Variants in ADARB2 observed in about 807,000 individuals in gnomAD.
The protein encoded by ADARB2 is adenosine deaminase RNA specific B2 (inactive), also known as inactive double-stranded RNA-specific editase B2.
In ADARB2, 25 loss-of-function variants were observed where a neutral mutation model predicts 62.2. The observed-to-expected ratio is 0.40, with a 90% CI of 0.29 to 0.56. The LOEUF (loss-of-function observed/expected upper bound fraction) is 0.56, where lower values mean the gene tolerates loss of function less well. Among genes scored for constraint, ADARB2 ranks in the 20% least tolerant of loss-of-function variants. The pLI is 0.43. For missense variants in ADARB2, 1,071 were observed against 1,077.4 expected, an observed-to-expected ratio of 0.99 and a Z score of 0.08; for synonymous variants, 572 against 500.8, an observed-to-expected ratio of 1.14 and a Z score of -1.90.
intron 3 of ADARB2, among the ~76,000 whole-genome samples, chr10:1,283,504 G>A (rs1831387404): frequency 6.6e-6 from 1 of 152,188 alleles, no homozygotes; most frequent in Non-Finnish European, 1.5e-5. Context: ...GAGAATAACT[G>A]GTGTGGACAG....
At chr10:1,601,722 C>A (rs748472695) in intron 1 of ADARB2, among the ~76,000 whole-genome samples, 7 of 152,192 alleles carry the variant, frequency 4.6e-5, no homozygotes, top group Admixed American at 3.9e-4. Context: ...CCTGCTCCCC[C>A]GAAAGCCAGC....
intron 1 of ADARB2, among the ~76,000 whole-genome samples, chr10:1,695,393 A>G (rs1470575494): frequency 6.6e-6 from 1 of 152,224 alleles, no homozygotes; most frequent in Non-Finnish European, 1.5e-5. Context: ...CAGAGCTCAC[A>G]TCAGATGCTC....
chr10:1,500,098 G>C (rs1831747578), intron 1 of ADARB2, among the ~76,000 whole-genome samples: 1 of 152,200 alleles, frequency 6.6e-6, no homozygotes, highest in African/African-American at 2.4e-5. Context: ...ACACAGAAAA[G>C]CTAGATTCAA....
chr10:1,553,234 A>C (rs548443091), intron 1 of ADARB2, among the ~76,000 whole-genome samples: 1 of 152,372 alleles, frequency 6.6e-6, no homozygotes, highest in South Asian at 2.1e-4. Flanking sequence ...GATTTCTGTC[A>C]TAAATTGACA....
At chr10:1,381,962 C>T (rs1832487467) in intron 1 of ADARB2, among the ~76,000 whole-genome samples, 6 of 152,040 alleles carry the variant, frequency 3.9e-5, no homozygotes, top group Admixed American at 3.3e-4. Context: ...ATGTATTGCC[C>T]ACTTGAAATG....
At chr10:1,672,584 C>T (rs1361814021) in intron 1 of ADARB2, among the ~76,000 whole-genome samples, 1 of 151,452 alleles carries the variant, frequency 6.6e-6, no homozygotes, top group Non-Finnish European at 1.5e-5. Context: ...CGCGCTTCGC[C>T]TTCCTCCCTC....
chr10:1,324,637 T>C (rs779289433), intron 3 of ADARB2, among the ~76,000 whole-genome samples: 1 of 152,220 alleles, frequency 6.6e-6, no homozygotes, highest in Non-Finnish European at 1.5e-5. Context: ...TGATTCCAAA[T>C]ACATACTGCA....
intron 1 of ADARB2, among the ~76,000 whole-genome samples, chr10:1,433,613 C>T (rs1830798785): frequency 1.3e-5 from 2 of 152,084 alleles, no homozygotes; most frequent in African/African-American, 4.8e-5. Flanking sequence ...AGCAGGGATT[C>T]GATCCACTTT....
In ADARB2 at chr10:1,477,004, T is replaced by C. The variant is rs1030856215; in HGVS notation, c.101-97844A>G. On this transcript the variant is annotated intron_variant, in intron 1 of 9. Transcript: ENST00000381312. This position sits in a 1 kb window ranked among gnomAD's most constrained non-coding sequence, Gnocchi z 4.5. ...TGCCCACGGGTTCCGGATGCTGACC[T>C]TGTGGCAAATCATGATGACTCTCCC... Among the ~76,000 whole-genome samples the C allele has an allele frequency of 2.0e-5, 3 of 152,016 alleles. No individual in the cohort carries two copies. The highest frequency in any genetic ancestry group is 2.0e-4 in the Admixed American group (3 of 15,274).
chr10:1,483,698 C>T (rs1447867435), intron 1 of ADARB2, among the ~76,000 whole-genome samples: 7 of 64,860 alleles, frequency 1.1e-4, no homozygotes, highest in African/African-American at 1.4e-4. Flanking sequence ...TTGAAAATGA[C>T]GAAGCAACTA....
intron 8 of ADARB2, chr10:1,186,672 G>A: frequency 2.2e-6 from 1 of 456,644 alleles, no homozygotes; most frequent in Non-Finnish European, 4.4e-6. Flanking sequence ...CATCACGTGA[G>A]ATGGCGGTGC....
chr10:1,187,553 C>T (rs1836777260), intron 8 of ADARB2, among the ~76,000 whole-genome samples: 2 of 152,246 alleles, frequency 1.3e-5, no homozygotes, highest in Non-Finnish European at 2.9e-5. Flanking sequence ...GTCAGGATGC[C>T]CTGGCTCCGG....
rs969626073 is a variant in ADARB2, at chr10:1,477,226, G to C, written c.101-98066C>G. Among the ~76,000 whole-genome samples, 1 of 152,244 alleles carries C rather than the reference G, an allele frequency of 6.6e-6. No individual in the cohort carries two copies. Among genetic ancestry groups the C allele is most frequent in the African/African-American group, 2.4e-5 (1 of 41,472 alleles). ...GGAGAAGTGACTGCACTGATCAGAA[G>C]TGTGGAGTCCTGATAAGATTAGTAA... is the stretch of plus-strand genomic sequence containing the variant. On this transcript the variant is annotated intron_variant, in intron 1 of 9. Coordinates refer to ENST00000381312, the MANE Select transcript of ADARB2 (RefSeq NM_018702.4). The surrounding 1 kb of genome is among the most constrained non-coding windows in gnomAD (Gnocchi z 4.5).
intron 1 of ADARB2, among the ~76,000 whole-genome samples, chr10:1,579,335 T>C (rs1454718087): frequency 6.6e-6 from 1 of 152,210 alleles, no homozygotes; most frequent in East Asian, 1.9e-4. Context: ...CACATGGTTA[T>C]GTGTGCCGCT....
chr10:1,563,210 C>T (rs906350013), intron 1 of ADARB2, among the ~76,000 whole-genome samples: 3 of 151,922 alleles, frequency 2.0e-5, no homozygotes, highest in Non-Finnish European at 4.4e-5. Context: ...AAGGTGCTGA[C>T]CTCTGTCCCT....
At chr10:1,207,619 G>A (rs1317295812) in intron 7 of ADARB2, among the ~76,000 whole-genome samples, 1 of 152,180 alleles carries the variant, frequency 6.6e-6, no homozygotes, top group African/African-American at 2.4e-5. Flanking sequence ...GGGGGGAGAC[G>A]GCACTCTGCA....
At chr10:1,266,167 AT>A (rs1166712373) in intron 4 of ADARB2, among the ~76,000 whole-genome samples, 2 of 152,232 alleles carry the variant, frequency 1.3e-5, no homozygotes, top group African/African-American at 4.8e-5. Context: ...CTCTGAGAAG[AT>A]GGCGTGTGGG....
intron 4 of ADARB2, among the ~76,000 whole-genome samples, chr10:1,267,147 A>AC (rs1473454735): frequency 2.0e-5 from 3 of 151,916 alleles, no homozygotes; most frequent in Middle Eastern, 3.4e-3. Context: ...AAAAAAAAAA[A>AC]AAAAACCTTT....
chr10:1,376,949 CT>C (rs971563307), intron 2 of ADARB2, among the ~76,000 whole-genome samples: 1 of 131,612 alleles, frequency 7.6e-6, no homozygotes, highest in Non-Finnish European at 1.6e-5. Flanking sequence ...GTGTGCGCTC[CT>C]GGGGTGTGTT....
Sources: gnomAD v4.1 joint callset for allele counts (sites outside exome capture counted in the v4.1 genomes callset) on GRCh38, gnomAD v4.1.1 for gene constraint, Gnocchi (gnomAD v3.1) non-coding constraint, MANE v1.5 for transcripts, NCBI Gene and HGNC (gene_info 2026-07-23, HGNC 2026-07-21) for gene names.